Variants in PLD3 observed in about 807,000 individuals in gnomAD.
PLD3 encodes the protein 5'-3' exonuclease PLD3.
PLD3 carries 31 observed loss-of-function variants against 58.4 expected under a neutral mutation model. The ratio of observed to expected loss-of-function variants is 0.53; its 90% CI spans 0.40 to 0.72. The LOEUF is 0.72. Among genes scored for constraint, PLD3 ranks in the 30% least tolerant of loss-of-function variants. The probability of loss-of-function intolerance (pLI) is 0.00; values close to 1 mark genes in which losing one functional copy is unlikely to be tolerated. For synonymous variants in PLD3, 264 were observed against 273.4 expected (o/e 0.97, Z 0.34); for missense variants, 595 against 659.8 (o/e 0.90, Z 1.08).
Position 40,371,719 on chromosome 19 carries a change from G to A in PLD3, c.725G>A (p.Arg242Gln), listed in dbSNP as rs757965784. The A allele has an allele frequency of 5.9e-5, 95 of 1,613,766 alleles. No individual in the cohort carries two copies. The highest frequency in any genetic ancestry group is 1.6e-4 in the Middle Eastern group (1 of 6,084). ...ATGTACAACTGCAGCTGCCTGGCTC[G>A]AGACCTGACCAAGATCTTTGAGGCC... ...VVMYNCSCLA[R>Q]DLTKIFEAYW... The change falls in exon 9 of 13, where the codon CGA (arginine) becomes CAA (glutamine). Residue 242 changes from arginine to glutamine, a missense_variant. Transcript: ENST00000409735.
chr19:40,368,499 G>GA (rs1429850489), intron 6 of PLD3, among the ~76,000 whole-genome samples: 2 of 152,156 alleles, frequency 1.3e-5, no homozygotes, highest in Non-Finnish European at 2.9e-5. Flanking sequence ...CTCTTCCATT[G>GA]AAAAACCATG....
In PLD3 at chr19:40,374,539, A is replaced by T. The variant is rs368325395; in HGVS notation, c.938A>T (p.Asn313Ile). 1.9e-6 allele frequency: 3 copies of T among 1,614,024 alleles called. No homozygotes were observed. In the African/African-American group the frequency reaches 4.0e-5, roughly 22 times the overall value. Reference sequence around the variant, plus strand: ...ACTCCAGACCTGAAGGCTCTACTCAACGTGGTGGACAATGCCCGGAGTTTC... The same window carrying T: ...ACTCCAGACCTGAAGGCTCTACTCATCGTGGTGGACAATGCCCGGAGTTTC... ...GRTPDLKALL[N>I]VVDNARSFIY... The change falls in exon 10 of 13, where the codon AAC becomes ATC. Residue 313 changes from asparagine to isoleucine, a missense_variant. Coordinates refer to ENST00000409735, the MANE Select transcript of PLD3 (RefSeq NM_012268.4).
intron 1 of PLD3, chr19:40,357,586 C>T (rs981001751): frequency 6.6e-6 from 1 of 152,142 alleles, no homozygotes; most frequent in Non-Finnish European, 1.5e-5. Context: ...GAACTGATAC[C>T]AGCTGGTTAT....
chr19:40,348,998 C>T (rs2078408902), intron 1 of PLD3, among the ~76,000 whole-genome samples: 2 of 152,112 alleles, frequency 1.3e-5, no homozygotes, highest in South Asian at 4.2e-4. Context: ...CTCCTTCTGT[C>T]GCCATCACCC....
At chr19:40,367,009 C>T in intron 5 of PLD3, 94 bp downstream of exon 5, 5 of 1,402,662 alleles carry the variant, frequency 3.6e-6, no homozygotes, top group Non-Finnish European at 4.8e-6. Context: ...CAGCCCTACC[C>T]AGCGCTTGCG....
chr19:40,349,389 A>G (rs953727721), intron 1 of PLD3, among the ~76,000 whole-genome samples: 3 of 151,680 alleles, frequency 2.0e-5, no homozygotes, highest in Non-Finnish European at 4.4e-5. Context: ...CCTTACAGTT[A>G]TTTTTCTTCC....
At position 40,367,813 on chromosome 19, in the gene PLD3, C is replaced by T; in HGVS notation, c.363C>T (p.Asp121=). ...GLLAGAHSSL[D]IASFYWTLTN... is the part of the protein sequence containing the mutation. ...TCGCCGGTGCGCACAGCAGCCTGGA[C>T]ATCGCCTCCTTCTACTGGACCCTCA... Residue 121 remains aspartate, a synonymous_variant, in exon 6 of 13, where the codon GAC becomes GAT. Transcript: ENST00000409735. 6.2e-7 allele frequency: 1 copy of T among 1,603,338 alleles called. No homozygotes were observed. The highest frequency in any genetic ancestry group is 1.1e-5 in the South Asian group (1 of 89,512).
intron 1 of PLD3, among the ~76,000 whole-genome samples, chr19:40,361,883 C>T (rs2078794936): frequency 6.6e-6 from 1 of 151,784 alleles, no homozygotes; most frequent in South Asian, 2.1e-4. Flanking sequence ...CCTTTGTCGC[C>T]CACGCTGGAG....
chr19:40,374,495 C>T lies in PLD3; in HGVS notation c.894C>T (p.Pro298=). The change falls in exon 10 of 13, where the codon CCC becomes CCT. Residue 298 remains proline, a synonymous_variant. Coordinates refer to ENST00000409735, the MANE Select transcript of PLD3 (RefSeq NM_012268.4). ...ALAYLASAPP[P]LCPSGRTPDL... is the part of the protein sequence containing the mutation. The stretch of plus-strand genomic sequence containing the variant: ...CTCGCCCTCAGAGTGCGCCCCCACC[C>T]CTGTGTCCAAGTGGCCGCACTCCAG... 1 of 1,614,098 alleles carries T rather than the reference C, an allele frequency of 6.2e-7. No individual in the cohort carries two copies. Among genetic ancestry groups the T allele is most frequent in the South Asian group, 1.1e-5 (1 of 91,082 alleles).
intron 10 of PLD3, among the ~76,000 whole-genome samples, chr19:40,375,676 AAAAAG>A (rs2079179933): frequency 6.6e-6 from 1 of 151,312 alleles, no homozygotes; most frequent in African/African-American, 2.4e-5. Flanking sequence ...AAAGAAAAAA[AAAAAG>A]AAGGATAACA....
chr19:40,364,321 T>C (rs1371764173), intron 1 of PLD3, among the ~76,000 whole-genome samples: 1 of 151,460 alleles, frequency 6.6e-6, no homozygotes, highest in African/African-American at 2.4e-5. Context: ...GCCACTGCAC[T>C]CCAGCCTGGG....
At chr19:40,361,184 C>G (rs1398453927) in intron 1 of PLD3, among the ~76,000 whole-genome samples, 1 of 152,082 alleles carries the variant, frequency 6.6e-6, no homozygotes, top group East Asian at 1.9e-4. Flanking sequence ...AATCTTGGCT[C>G]ACTATAACTT....
In PLD3 at chr19:40,374,330, A is replaced by G. The variant is rs993155914; in HGVS notation, c.880-151A>G. On this transcript the variant is annotated intron_variant, in intron 9 of 12. Coordinates refer to ENST00000409735, the MANE Select transcript of PLD3 (RefSeq NM_012268.4). ...TGAGCCTCAGTTTCCTCACATGTGA[A>G]ATGGATGTGGTGATTGACCCTCTTC... is the stretch of plus-strand genomic sequence containing the variant. 22 of 761,450 alleles carry G rather than the reference A, an allele frequency of 2.9e-5. No homozygotes were observed. The East Asian group carries it at 5.3e-4, about 18-fold the overall frequency. 47.2% of individuals were successfully genotyped at this position (761,450 alleles called of 1,614,324 possible). A position where few individuals can be genotyped will look rare whatever the true frequency, so the allele number is the denominator to read the frequency against.
intron 6 of PLD3, 72 bp from the exon 7 acceptor site, chr19:40,369,836 C>A: frequency 7.1e-7 from 1 of 1,405,254 alleles, no homozygotes; most frequent in Non-Finnish European, 9.5e-7. Context: ...CAAAATAACT[C>A]CACCGGGCAT....
intron 5 of PLD3, chr19:40,367,179 C>T (rs948526948): frequency 8.6e-6 from 4 of 467,222 alleles, no homozygotes; most frequent in Non-Finnish European, 1.5e-5. Flanking sequence ...TCTCAATACA[C>T]GACCTTCCTT....
At chr19:40,364,227 G>A (rs907753765) in intron 1 of PLD3, among the ~76,000 whole-genome samples, 4 of 151,982 alleles carry the variant, frequency 2.6e-5, no homozygotes, top group Non-Finnish European at 5.9e-5. Flanking sequence ...GGTGGCAGGC[G>A]CCTGTAATCC....
chr19:40,368,324 T>C (rs1211033098), intron 6 of PLD3, among the ~76,000 whole-genome samples: 8 of 152,206 alleles, frequency 5.3e-5, no homozygotes, highest in African/African-American at 1.9e-4. Flanking sequence ...CTTAGGGCTC[T>C]TGTGAGGATG....
chr19:40,353,353 C>G (rs1413116741), intron 1 of PLD3, among the ~76,000 whole-genome samples: 1 of 152,026 alleles, frequency 6.6e-6, no homozygotes, highest in Non-Finnish European at 1.5e-5. Flanking sequence ...TCACTTGAAC[C>G]TGGAAGATGG....
At chr19:40,371,560 G>T in intron 8 of PLD3, 113 bp from the exon 9 acceptor site, 1 of 650,186 alleles carries the variant, frequency 1.5e-6, no homozygotes. Context: ...TTGGAGCTGG[G>T]GTGGAGGGGG....
Sources: allele counts gnomAD v4.1 joint callset (sites outside exome capture counted in the v4.1 genomes callset), GRCh38; gene constraint gnomAD v4.1.1; transcripts MANE v1.5; gene names NCBI Gene and HGNC (gene_info 2026-07-23, HGNC 2026-07-21).